EBF4: variants seen among roughly 807,000 people sequenced by gnomAD.
EBF4 encodes the protein transcription factor COE4.
Under a neutral mutation model 67.1 loss-of-function variants are expected in EBF4, and 34 were observed. The observed-to-expected ratio is 0.51, with a 90% CI of 0.39 to 0.67. The LOEUF (loss-of-function observed/expected upper bound fraction) is 0.67. Ranked by LOEUF, EBF4 falls within the 30% of genes least tolerant of loss-of-function variation. The pLI is 0.00. For missense variants in EBF4, 837 were observed against 873.3 expected (o/e 0.96, Z 0.52); for synonymous variants, 387 against 377.7 (o/e 1.02, Z -0.29).
At chr20:2,697,473 A>T (rs2087310982) in intron 1 of EBF4, among the ~76,000 whole-genome samples, 1 of 151,478 alleles carries the variant, frequency 6.6e-6, no homozygotes, top group Non-Finnish European at 1.5e-5. Context: ...TGAACCCGGG[A>T]GGCGGAGCTT....
At position 2,703,401 on chromosome 20, in the gene EBF4, A is replaced by T. The variant is rs540772757; in HGVS notation, c.138-2176A>T. 1.8e-4 allele frequency among the ~76,000 whole-genome samples: 27 copies of T among 151,768 alleles called. 1 individual carries two copies. In the South Asian group the frequency reaches 5.6e-3, roughly 31 times the overall value. ...CAGTGAGCTATGATCACGCCACTGC[A>T]CTCCAGCCCGGATGACAGAGCAAAA... On this transcript the variant is annotated intron_variant, in intron 1 of 16. Transcript: ENST00000609451.
intron 6 of EBF4, among the ~76,000 whole-genome samples, chr20:2,741,253 A>G (rs2087964037): frequency 6.6e-6 from 1 of 151,830 alleles, no homozygotes; most frequent in Non-Finnish European, 1.5e-5. Context: ...TCAAGGCTGC[A>G]GTGAGCCAAG....
chr20:2,716,409 A>G (rs2087611093), intron 6 of EBF4, among the ~76,000 whole-genome samples: 2 of 151,762 alleles, frequency 1.3e-5, no homozygotes, highest in South Asian at 4.2e-4. Context: ...CATGCCTGTA[A>G]TCACAGCTAC....
rs538413056 is a variant in EBF4 at position 2,705,147 on chromosome 20, C to T, written c.138-430C>T. On this transcript the variant is annotated intron_variant, in intron 1 of 16. Transcript: ENST00000609451. Reference sequence around the variant, plus strand: ...AGGCTCATGACAGCCTCAGCCTGGGCTGGGGTTTAGTGGGATATTTGTTCT... The same window carrying T: ...AGGCTCATGACAGCCTCAGCCTGGGTTGGGGTTTAGTGGGATATTTGTTCT... 1.2e-4 allele frequency among the ~76,000 whole-genome samples: 19 copies of T among 152,348 alleles called. No individual in the cohort carries two copies. In the South Asian group the frequency reaches 3.9e-3, roughly 32 times the overall value.
chr20:2,697,583 G>A (rs1221882776), intron 1 of EBF4, among the ~76,000 whole-genome samples: 1 of 151,678 alleles, frequency 6.6e-6, no homozygotes, highest in Non-Finnish European at 1.5e-5. Context: ...GGTAGGGAGA[G>A]CAGAGGGGCT....
At chr20:2,748,245 C>A (rs1215104657) in intron 6 of EBF4, among the ~76,000 whole-genome samples, 1 of 152,078 alleles carries the variant, frequency 6.6e-6, no homozygotes, top group Non-Finnish European at 1.5e-5. Context: ...TGGACTTACT[C>A]TTCATGGTGA....
rs1203275896 is a variant in EBF4 at position 2,752,424 on chromosome 20, C to A, written c.1419C>A (p.Ser473Arg). The A allele has an allele frequency of 8.3e-5, 107 of 1,295,978 alleles. No individual in the cohort carries two copies. Among genetic ancestry groups the A allele is most frequent in the Non-Finnish European group, 9.8e-5 (100 of 1,023,244 alleles). The allele number at this position is 1,295,978 out of a possible 1,614,324, so 80.3% of individuals were successfully genotyped here. A position where few individuals can be genotyped will look rare whatever the true frequency, so the allele number is the denominator to read the frequency against. ...CGCCCAGCCCCGGCTCGCAGCAGAG[C>A]GGCTACGGCGGCGGCCTCGGAGCTG... Residue 473 changes from serine to arginine, a missense_variant, in exon 14 of 17, where the codon AGC (serine) becomes AGA (arginine). By Grantham distance (110) the Ser-to-Arg change is moderately radical. This residue lies in a region of EBF4 where 525 missense variants were observed against 496.5 expected (regional missense o/e 1.06). Coordinates refer to ENST00000609451, the Ensembl canonical transcript of EBF4.
At chr20:2,716,249 A>G (rs2087607952) in intron 6 of EBF4, among the ~76,000 whole-genome samples, 2 of 147,840 alleles carry the variant, frequency 1.4e-5, no homozygotes, top group African/African-American at 5.0e-5. Context: ...AATCCTTGCC[A>G]GGCGCAGTGG....
intron 1 of EBF4, among the ~76,000 whole-genome samples, chr20:2,698,034 C>T (rs1454376801): frequency 6.6e-6 from 1 of 152,210 alleles, no homozygotes; most frequent in African/African-American, 2.4e-5. Context: ...CAGCCTGGGA[C>T]CTGGCAGGCA....
chr20:2,702,498 T>G (rs2146375027), intron 1 of EBF4, among the ~76,000 whole-genome samples: 1 of 152,176 alleles, frequency 6.6e-6, no homozygotes, highest in Middle Eastern at 3.5e-3. Flanking sequence ...TTATGGCTTC[T>G]GCCTCCTAAG....
chr20:2,739,404 T>C lies in EBF4; in HGVS notation c.558-9145T>C, dbSNP rs1327936224. Among the ~76,000 whole-genome samples, 4 of 151,750 alleles carry C rather than the reference T, an allele frequency of 2.6e-5. No homozygotes were observed. The highest frequency in any genetic ancestry group is 1.9e-4 in the East Asian group (1 of 5,164). On this transcript the variant is annotated intron_variant, in intron 6 of 16. Coordinates refer to ENST00000609451, the Ensembl canonical transcript of EBF4. This position sits in a 1 kb window ranked among gnomAD's most constrained non-coding sequence, Gnocchi z 4.5. ...CCAAGACCCATCACCCAAGACCAAA[T>C]TGGAGCTCTAGGAAGCATTCCGCCT...
Position 2,707,445 on chromosome 20 carries a change from C to T in EBF4, c.415-502C>T, listed in dbSNP as rs79712868. ...GCTAGGGATGGTATGGGGGAAGAGG[C>T]GATAGTTATCTAGGGGGAAGAGGCA... is the stretch of plus-strand genomic sequence containing the variant. On this transcript the variant is annotated intron_variant, in intron 4 of 16. Transcript: ENST00000609451. The surrounding 1 kb of genome is among the most constrained non-coding windows in gnomAD (Gnocchi z 4.6). Among the ~76,000 whole-genome samples the T allele has an allele frequency of 0.021, 3,177 of 152,064 alleles. 76 individuals are homozygous for T. The highest frequency in any genetic ancestry group is 0.068 in the Middle Eastern group (20 of 294).
chr20:2,755,623 GGA>G lies in EBF4; in HGVS notation c.1541-2_1541-1del. ...CGCCTGCCCCTCCCCGCCCCGCCCC[GGA>G]GTCATGCCCTCTAGCCCCCCGCTGG... On this transcript the variant is annotated splice_acceptor_variant and splice_polypyrimidine_tract_variant and intron_variant, in intron 14 of 16. Coordinates refer to ENST00000609451, the Ensembl canonical transcript of EBF4. LOFTEE classifies it high-confidence loss of function. The surrounding 1 kb of genome is among the most constrained non-coding windows in gnomAD (Gnocchi z 4.7). The G allele has an allele frequency of 2.1e-6, 1 of 487,768 alleles. No homozygotes were observed. The highest frequency in any genetic ancestry group is 3.3e-6 in the Non-Finnish European group (1 of 307,152). 30.2% of individuals were successfully genotyped at this position (487,768 alleles called of 1,614,324 possible).
At chr20:2,734,744 TTTCTTTAAA>T (rs2087856263) in intron 6 of EBF4, among the ~76,000 whole-genome samples, 1 of 152,254 alleles carries the variant, frequency 6.6e-6, no homozygotes, top group South Asian at 2.1e-4. Flanking sequence ...TGGACAGGCA[TTTCTTTAAA>T]TGCCTTGAAT....
intron 6 of EBF4, among the ~76,000 whole-genome samples, chr20:2,724,734 A>G (rs552369507): frequency 6.6e-6 from 1 of 152,146 alleles, no homozygotes; most frequent in East Asian, 1.9e-4. Flanking sequence ...GTGAGACCCC[A>G]TCTCTACAAA....
In EBF4 at chr20:2,755,968, T is replaced by G. The variant is rs1455924930; in HGVS notation, c.1738+144T>G. 8.9e-6 allele frequency: 8 copies of G among 902,482 alleles called. No homozygotes were observed. The Admixed American group carries it at 2.3e-4, about 25-fold the overall frequency. The allele number at this position is 902,482 out of a possible 1,614,324, so 55.9% of individuals were successfully genotyped here. A position where few individuals can be genotyped will look rare whatever the true frequency, so the allele number is the denominator to read the frequency against. On this transcript the variant is annotated intron_variant, in intron 15 of 16. Transcript: ENST00000609451. This position sits in a 1 kb window ranked among gnomAD's most constrained non-coding sequence, Gnocchi z 4.7. Reference sequence around the variant, plus strand: ...TCTTGGAGGACGGAGAGCAGGGAGCTCTGCTGGGGTCCAGGGAGGTCCCTC... The same window carrying G: ...TCTTGGAGGACGGAGAGCAGGGAGCGCTGCTGGGGTCCAGGGAGGTCCCTC...
intron 6 of EBF4, among the ~76,000 whole-genome samples, chr20:2,725,516 A>T (rs1168149731): frequency 6.6e-6 from 1 of 151,954 alleles, no homozygotes; most frequent in Non-Finnish European, 1.5e-5. Flanking sequence ...GTATTTGGTA[A>T]TTTCAATATC....
chr20:2,712,090 C>G (rs1342087165), intron 6 of EBF4, among the ~76,000 whole-genome samples: 1 of 152,118 alleles, frequency 6.6e-6, no homozygotes, highest in East Asian at 1.9e-4. Flanking sequence ...AAGGCACGAC[C>G]ATGCAGGGTC....
At position 2,708,054 on chromosome 20, in the gene EBF4, C is replaced by T. The variant is rs116606895; in HGVS notation, c.488+34C>T. 491 of 1,581,694 alleles carry T rather than the reference C, an allele frequency of 3.1e-4. No homozygotes were observed. In the African/African-American group the frequency reaches 5.9e-3, roughly 19 times the overall value. On this transcript the variant is annotated intron_variant, in intron 5 of 16. Coordinates refer to ENST00000609451, the Ensembl canonical transcript of EBF4. ...GCCATGTCACTCACACCTCACCCCTCTGCCAAGGCGTTTCTGAGGACTCTA... is the reference window on the plus strand; with the variant it reads ...GCCATGTCACTCACACCTCACCCCTTTGCCAAGGCGTTTCTGAGGACTCTA...
Sources: allele counts gnomAD v4.1 joint callset (sites outside exome capture counted in the v4.1 genomes callset), GRCh38; gene constraint gnomAD v4.1.1; regional missense constraint gnomAD v4.1.1; non-coding constraint Gnocchi (gnomAD v3.1); transcripts MANE v1.5; gene names NCBI Gene and HGNC (gene_info 2026-07-23, HGNC 2026-07-21).